HNF4A: variants seen among roughly 807,000 people sequenced by gnomAD.
HNF4A encodes hepatocyte nuclear factor 4 alpha, also known as hepatocyte nuclear factor 4-alpha.
A neutral mutation model predicts 52.4 loss-of-function variants in HNF4A; 15 were observed. The ratio of observed to expected loss-of-function variants is 0.29; its 90% confidence interval spans 0.19 to 0.44. The LOEUF is 0.44. Among genes scored for constraint, HNF4A ranks in the 20% least tolerant of loss-of-function variants. The pLI is 1.00. For synonymous variants in HNF4A, 280 were observed against 264.4 expected (o/e 1.06, Z -0.57); for missense variants, 479 against 647.2 (o/e 0.74, Z 2.82).
chr20:44,413,551 A>T (rs557484608), intron 3 of HNF4A, 143 bp from the exon 4 acceptor site: 3 of 700,334 alleles, frequency 4.3e-6, no homozygotes, highest in Non-Finnish European at 7.9e-6. Flanking sequence ...GTTAGAGGCC[A>T]TCTCCCCTCA....
intron 8 of HNF4A, 27 bp downstream of exon 8, chr20:44,424,281 G>A (rs776894264): frequency 1.2e-6 from 2 of 1,611,912 alleles, no homozygotes; most frequent in Non-Finnish European, 1.7e-6. Flanking sequence ...GGAGGGGCGG[G>A]GTTGGAGTGG....
intron 1 of HNF4A, among the ~76,000 whole-genome samples, chr20:44,366,144 A>G (rs1395322474): frequency 6.6e-6 from 1 of 152,242 alleles, no homozygotes; most frequent in East Asian, 1.9e-4. Flanking sequence ...TAACAAAAGA[A>G]TGAAATAAAA....
chr20:44,430,143 A>C lies in HNF4A; in HGVS notation c.*478A>C, dbSNP rs1600755112. ...TGCTCCTCCTTCTGCTGCTGCCCCC[A>C]CCTCTGCTGCCTCCCTCTGCTGTCA... is the stretch of plus-strand genomic sequence containing the variant. On this transcript the variant is annotated 3_prime_UTR_variant, in exon 10 of 10. Coordinates refer to ENST00000316099, the MANE Select transcript of HNF4A (RefSeq NM_000457.6). The C allele has an allele frequency of 6.3e-6, 1 of 159,276 alleles. No individual in the cohort carries two copies. Among genetic ancestry groups the C allele is most frequent in the Non-Finnish European group, 1.4e-5 (1 of 73,064 alleles). The allele number at this position is 159,276 out of a possible 1,614,324, so 9.9% of individuals were successfully genotyped here.
In HNF4A at chr20:44,394,951, C is replaced by A. The variant is rs189091439; in HGVS notation, c.50-11107C>A. Among the ~76,000 whole-genome samples, 3 of 152,290 alleles carry A rather than the reference C, an allele frequency of 2.0e-5. No individual in the cohort carries two copies. The East Asian group carries it at 5.8e-4, about 29-fold the overall frequency. ...AGGCCCAGGGATGGGGCCCAGTTAT[C>A]AGTTAACCACATGAATGTTGCTTCC... On this transcript the variant is annotated intron_variant, in intron 1 of 9. Transcript: ENST00000316673.
intron 1 of HNF4A, among the ~76,000 whole-genome samples, chr20:44,361,382 C>T (rs2062915038): frequency 6.6e-6 from 1 of 152,202 alleles, no homozygotes; most frequent in Non-Finnish European, 1.5e-5. Flanking sequence ...TGCATCTTGC[C>T]TCAACCCAGA....
chr20:44,379,016 A>G (rs934540089), intron 1 of HNF4A, among the ~76,000 whole-genome samples: 6 of 151,998 alleles, frequency 3.9e-5, no homozygotes, highest in African/African-American at 1.4e-4. Flanking sequence ...TGTGAATTTG[A>G]CTACTTTCCT....
At chr20:44,401,160 G>T (rs960446254), upstream of HNF4A, 162 of 1,428,734 alleles carry the variant, frequency 1.1e-4, no homozygotes, top group Middle Eastern at 2.6e-4. Context: ...CACCGGCGGG[G>T]GACCGATTAA....
chr20:44,385,943 TC>T (rs2063217244), intron 1 of HNF4A, among the ~76,000 whole-genome samples: 1 of 151,918 alleles, frequency 6.6e-6, no homozygotes, highest in South Asian at 2.1e-4. Flanking sequence ...CACTGGAACC[TC>T]CACCTCCCAG....
intron 1 of HNF4A, chr20:44,389,618 T>C (rs540033578): frequency 4.6e-5 from 7 of 152,372 alleles, no homozygotes; most frequent in Admixed American, 2.6e-4. Flanking sequence ...GTTGACTGTT[T>C]CGATGGACGA....
intron 6 of HNF4A, among the ~76,000 whole-genome samples, chr20:44,419,278 C>T (rs2063710384): frequency 6.6e-6 from 1 of 152,140 alleles, no homozygotes; most frequent in Admixed American, 6.5e-5. Context: ...GAGGGAAGCT[C>T]GATTATTTAT....
chr20:44,416,825 G>T (rs2063672104), intron 5 of HNF4A, among the ~76,000 whole-genome samples: 1 of 152,034 alleles, frequency 6.6e-6, no homozygotes, highest in South Asian at 2.1e-4. Context: ...CCTCCTTAGA[G>T]GCCTTCTCTG....
At chr20:44,392,811 C>G (rs1277019740) in intron 1 of HNF4A, among the ~76,000 whole-genome samples, 3 of 152,200 alleles carry the variant, frequency 2.0e-5, no homozygotes, top group African/African-American at 7.2e-5. Context: ...GGACACCCAG[C>G]AGCTTACATG....
intron 6 of HNF4A, among the ~76,000 whole-genome samples, chr20:44,418,751 G>C (rs1035035788): frequency 1.3e-5 from 2 of 152,164 alleles, no homozygotes; most frequent in Admixed American, 1.3e-4. Context: ...GTCAGAGCAC[G>C]ATCAGGGTTA....
At chr20:44,400,675 G>A (rs555207649), upstream of HNF4A, among the ~76,000 whole-genome samples, 91 of 152,296 alleles carry the variant, frequency 6.0e-4, no homozygotes, top group African/African-American at 2.1e-3. Context: ...CAGGGAGCAG[G>A]AGCGGGGAAT....
At chr20:44,400,867 A>G (rs1270627568), upstream of HNF4A, among the ~76,000 whole-genome samples, 1 of 151,862 alleles carries the variant, frequency 6.6e-6, no homozygotes, top group African/African-American at 2.4e-5. Context: ...AAAAGCATTG[A>G]GGGTAGAAGT....
At chr20:44,400,289 A>T (rs942999814), upstream of HNF4A, among the ~76,000 whole-genome samples, 19 of 152,044 alleles carry the variant, frequency 1.2e-4, no homozygotes, top group African/African-American at 4.6e-4. Context: ...TGAAGGTAGG[A>T]GACGGGTGGA....
chr20:44,422,248 A>G (rs2063756595), intron 7 of HNF4A, among the ~76,000 whole-genome samples: 1 of 152,144 alleles, frequency 6.6e-6, no homozygotes. Context: ...CCCAGCCTGT[A>G]TCCTCTGTAG....
intron 1 of HNF4A, among the ~76,000 whole-genome samples, chr20:44,378,110 C>T (rs185531570): frequency 6.1e-4 from 93 of 152,254 alleles, no homozygotes; most frequent in African/African-American, 2.1e-3. Flanking sequence ...TTTACATTTC[C>T]TCTATTACTA....
At chr20:44,412,954 T>C (rs1047863309) in intron 3 of HNF4A, among the ~76,000 whole-genome samples, 1 of 152,146 alleles carries the variant, frequency 6.6e-6, no homozygotes, top group Non-Finnish European at 1.5e-5. Context: ...TCAACCTCCC[T>C]CCTTTCTGAA....
Sources: allele counts gnomAD v4.1 joint callset (sites outside exome capture counted in the v4.1 genomes callset), GRCh38; gene constraint gnomAD v4.1.1; transcripts MANE v1.5; gene names NCBI Gene and HGNC (gene_info 2026-07-23, HGNC 2026-07-21).